Variants in CTNNA3 observed in about 807,000 individuals in gnomAD.
The protein encoded by CTNNA3 is catenin alpha 3.
Under a neutral mutation model 95.7 loss-of-function variants are expected in CTNNA3, and 76 were observed. The ratio of observed to expected loss-of-function variants is 0.79; its 90% CI spans 0.66 to 0.96. CTNNA3 has a LOEUF of 0.96. CTNNA3 is among the 40% of genes least tolerant of loss of function. CTNNA3 has a pLI of 0.00. For synonymous variants in CTNNA3, 431 were observed against 374.4 expected (o/e 1.15, Z -1.74); for missense variants, 1,191 against 1,089.8 (o/e 1.09, Z -1.31).
intron 7 of CTNNA3, among the ~76,000 whole-genome samples, chr10:67,143,539 GT>G (rs573855302): frequency 6.6e-6 from 1 of 151,340 alleles, no homozygotes; most frequent in South Asian, 2.1e-4. Context: ...CCCTGCCACT[GT>G]TTTTTCAACT....
At chr10:66,031,526 G>A (rs1466648789) in intron 15 of CTNNA3, among the ~76,000 whole-genome samples, 2 of 152,114 alleles carry the variant, frequency 1.3e-5, no homozygotes, top group African/African-American at 4.8e-5. Flanking sequence ...TGGACATAAA[G>A]ATGGGGAAAA....
At chr10:67,642,244 C>T (rs1262352944) in intron 2 of CTNNA3, among the ~76,000 whole-genome samples, 1 of 151,842 alleles carries the variant, frequency 6.6e-6, no homozygotes, top group Non-Finnish European at 1.5e-5. Context: ...TCAGAGTGAA[C>T]AGACAACCTA....
At chr10:65,940,150 A>C (rs1310594248) in intron 17 of CTNNA3, among the ~76,000 whole-genome samples, 2 of 152,198 alleles carry the variant, frequency 1.3e-5, no homozygotes, top group Non-Finnish European at 2.9e-5. Flanking sequence ...GTAAGAAAGG[A>C]AGGCCCTAAA....
intron 1 of CTNNA3, among the ~76,000 whole-genome samples, chr10:67,727,956 TAATA>T (rs1174718180): frequency 1.5e-5 from 2 of 136,688 alleles, no homozygotes; most frequent in African/African-American, 5.4e-5. Flanking sequence ...ATAGTATGTA[TAATA>T]TATAATAGAT....
intron 11 of CTNNA3, among the ~76,000 whole-genome samples, chr10:66,425,322 G>C (rs1239030163): frequency 1.3e-5 from 2 of 151,730 alleles, no homozygotes; most frequent in East Asian, 1.9e-4. Flanking sequence ...CAATGAGTAT[G>C]ATTATTGAAC....
chr10:67,726,069 T>C (rs1222191505), intron 1 of CTNNA3, among the ~76,000 whole-genome samples: 1 of 124,034 alleles, frequency 8.1e-6, no homozygotes, highest in East Asian at 2.3e-4. Flanking sequence ...AAAAAATAAA[T>C]ATATTTAAAT....
chr10:66,915,711 A>AATAT (rs71468808), intron 7 of CTNNA3, among the ~76,000 whole-genome samples: 1 of 143,836 alleles, frequency 7.0e-6, no homozygotes, highest in Non-Finnish European at 1.5e-5. Context: ...ATATATATAT[A>AATAT]ATATATATAT....
At chr10:67,084,842 T>A (rs1021426456) in intron 7 of CTNNA3, among the ~76,000 whole-genome samples, 16 of 151,992 alleles carry the variant, frequency 1.1e-4, no homozygotes, top group Non-Finnish European at 2.1e-4. Context: ...TGATTTTATA[T>A]CATTCAGGTT....
chr10:67,727,431 A>C (rs976459775), intron 1 of CTNNA3, among the ~76,000 whole-genome samples: 5 of 132,904 alleles, frequency 3.8e-5, no homozygotes, highest in Non-Finnish European at 7.8e-5. Flanking sequence ...TCAAGTGACT[A>C]GAATTTTCTA....
At chr10:67,255,873 G>C (rs997839941) in intron 5 of CTNNA3, among the ~76,000 whole-genome samples, 1 of 152,008 alleles carries the variant, frequency 6.6e-6, no homozygotes, top group African/African-American at 2.4e-5. Flanking sequence ...ATGTCATTCA[G>C]CTATCAACCA....
intron 11 of CTNNA3, among the ~76,000 whole-genome samples, chr10:66,431,786 C>T (rs7909457): frequency 0.38 from 55,985 of 148,120 alleles, 11,214 homozygotes; most frequent in African/African-American, 0.5. Context: ...TTAGGAGATA[C>T]ACCTAATGTT....
chr10:66,058,749 A>C (rs1182513200), intron 15 of CTNNA3, among the ~76,000 whole-genome samples: 1 of 152,154 alleles, frequency 6.6e-6, no homozygotes, highest in Non-Finnish European at 1.5e-5. Context: ...TGGCTTAGTT[A>C]GCTGGCTCAT....
intron 1 of CTNNA3, among the ~76,000 whole-genome samples, chr10:67,679,464 A>G (rs1257901811): frequency 6.6e-6 from 1 of 152,244 alleles, no homozygotes; most frequent in Non-Finnish European, 1.5e-5. Flanking sequence ...TGAGAGTGGT[A>G]ACAGAATATT....
chr10:67,669,700 G>A (rs1213460277), intron 1 of CTNNA3, among the ~76,000 whole-genome samples: 1 of 152,106 alleles, frequency 6.6e-6, no homozygotes, highest in Non-Finnish European at 1.5e-5. Context: ...GTTATTTTGT[G>A]GAAAGATACT....
intron 11 of CTNNA3, among the ~76,000 whole-genome samples, chr10:66,412,456 AT>A (rs750175517): frequency 0.16 from 19,558 of 125,316 alleles, 1,000 homozygotes; most frequent in East Asian, 0.23. Flanking sequence ...GCCAAATACT[AT>A]TTTTTTTTTT....
At chr10:67,231,371 A>T (rs1865200719) in intron 5 of CTNNA3, among the ~76,000 whole-genome samples, 1 of 152,178 alleles carries the variant, frequency 6.6e-6, no homozygotes, top group African/African-American at 2.4e-5. Context: ...CTCACCCTTG[A>T]CCCCAGAGCA....
intron 5 of CTNNA3, among the ~76,000 whole-genome samples, chr10:67,274,554 G>A (rs561643455): frequency 1.3e-5 from 2 of 152,194 alleles, no homozygotes; most frequent in South Asian, 2.1e-4. Context: ...ATGGCCTGGC[G>A]CAGTGGCTCA....
chr10:67,082,182 T>C (rs1857089995), intron 7 of CTNNA3, among the ~76,000 whole-genome samples: 2 of 152,212 alleles, frequency 1.3e-5, no homozygotes, highest in Non-Finnish European at 2.9e-5. Context: ...TAATTAAAAA[T>C]TGGATCTGCT....
At chr10:66,088,359 G>C (rs1016290331) in intron 14 of CTNNA3, among the ~76,000 whole-genome samples, 2 of 151,902 alleles carry the variant, frequency 1.3e-5, no homozygotes, top group African/African-American at 2.4e-5. Flanking sequence ...AAGTAGACCA[G>C]TGTCTGTATA....
Sources: allele counts gnomAD v4.1 joint callset (sites outside exome capture counted in the v4.1 genomes callset), GRCh38; gene constraint gnomAD v4.1.1; transcripts MANE v1.5; gene names NCBI Gene and HGNC (gene_info 2026-07-23, HGNC 2026-07-21).